Variants in C14orf39 observed in about 807,000 individuals in gnomAD.
C14orf39 encodes the protein protein SIX6OS1.
Under a neutral mutation model 85.6 loss-of-function variants are expected in C14orf39, and 66 were observed. The ratio of observed to expected loss-of-function variants is 0.77; its 90% CI spans 0.63 to 0.95. The LOEUF is 0.95. Ranked by LOEUF, C14orf39 falls within the 40% of genes least tolerant of loss-of-function variation. The pLI, the probability that C14orf39 is intolerant of heterozygous loss-of-function variation, is 0.00. For synonymous variants in C14orf39, 242 were observed against 214.0 expected (o/e 1.13, Z -1.14); for missense variants, 735 against 663.9 (o/e 1.11, Z -1.18).
In C14orf39 at chr14:60,442,073, C is replaced by T. The variant is rs1450145311; in HGVS notation, c.1561+1G>A. ...AAGGTAGCAAACTTCAAACAACTTA[C>T]CAATCTCTTGCTCTGATGACAGAGG... On this transcript the variant is annotated splice_donor_variant, in intron 17 of 17. Coordinates refer to ENST00000321731, the MANE Select transcript of C14orf39 (RefSeq NM_174978.3). LOFTEE classifies it high-confidence loss of function. The T allele has an allele frequency of 6.2e-7, 1 of 1,607,852 alleles. No individual in the cohort carries two copies. Among genetic ancestry groups the T allele is most frequent in the East Asian group, 2.2e-5 (1 of 44,654 alleles).
chr14:60,471,877 C>T (rs953773614), intron 5 of C14orf39, 138 bp from the exon 6 acceptor site: 27 of 549,148 alleles, frequency 4.9e-5, no homozygotes, highest in Non-Finnish European at 7.2e-5. Flanking sequence ...ATTGTCTGCC[C>T]TTTAGACTTT....
intron 5 of C14orf39, among the ~76,000 whole-genome samples, chr14:60,473,561 T>A (rs1418022431): frequency 6.6e-6 from 1 of 152,196 alleles, no homozygotes; most frequent in Non-Finnish European, 1.5e-5. Context: ...CTTTAATCCA[T>A]CTTGAATTAA....
chr14:60,509,284 C>T lies in C14orf39; in HGVS notation c.-144+6111G>A, dbSNP rs2140187526. On this transcript the variant is annotated intron_variant, in intron 1 of 5. Transcript: ENST00000556799. ...ACCGCCGCCACCCGGTAGTGTGTCC[C>T]GCTGCCCCAATCCGCCTCATCAACA... The T allele has an allele frequency of 3.3e-6, 3 of 916,406 alleles. No homozygotes were observed. In the East Asian group the frequency reaches 7.6e-5, roughly 23 times the overall value. 56.8% of individuals were successfully genotyped at this position (916,406 alleles called of 1,614,324 possible). A position where few individuals can be genotyped will look rare whatever the true frequency, so the allele number is the denominator to read the frequency against.
intron 1 of C14orf39, among the ~76,000 whole-genome samples, chr14:60,506,507 G>C (rs1051471457): frequency 7.2e-5 from 11 of 152,180 alleles, no homozygotes; most frequent in Non-Finnish European, 2.9e-5. Context: ...CTCTTTCCCA[G>C]GGGGCTCGGC....
In C14orf39 at chr14:60,492,563, C is replaced by T. The variant is rs35408753; in HGVS notation, c.-9+6733G>A. 1.8e-3 allele frequency among the ~76,000 whole-genome samples: 278 copies of T among 151,224 alleles called. 1 individual carries two copies. Among genetic ancestry groups the T allele is most frequent in the African/African-American group, 6.5e-3 (266 of 41,144 alleles). On this transcript the variant is annotated intron_variant, in intron 2 of 5. Coordinates refer to the C14orf39 transcript ENST00000556799. ...CCAACACAAGTGGATTGCTTGAGTT[C>T]GAGACCAGCCTGGGCAACATGGCGA...
intron 16 of C14orf39, among the ~76,000 whole-genome samples, chr14:60,443,638 T>C (rs1438622005): frequency 6.6e-6 from 1 of 152,178 alleles, no homozygotes; most frequent in African/African-American, 2.4e-5. Flanking sequence ...CAGACCTAAA[T>C]GTCCCTGTCT....
intron 4 of C14orf39, among the ~76,000 whole-genome samples, chr14:60,482,780 C>G (rs1892697047): frequency 6.6e-6 from 1 of 151,942 alleles, no homozygotes; most frequent in Non-Finnish European, 1.5e-5. Flanking sequence ...AAATTACATG[C>G]ACAGTACCAT....
upstream of C14orf39, among the ~76,000 whole-genome samples, chr14:60,487,321 T>C (rs1162506477): frequency 1.3e-5 from 2 of 152,170 alleles, no homozygotes; most frequent in Non-Finnish European, 2.9e-5. Flanking sequence ...CATTCTACTC[T>C]CTGCTTCTAT....
chr14:60,482,911 G>GTGTGTGTGT (rs1566681576), intron 4 of C14orf39, among the ~76,000 whole-genome samples: 4 of 58,832 alleles, frequency 6.8e-5, no homozygotes, highest in Admixed American at 4.5e-4. Flanking sequence ...TGTGTGTGTG[G>GTGTGTGTGT]TGTGCATAAT....
chr14:60,510,006 C>T, intron 1 of C14orf39: 1 of 1,553,234 alleles, frequency 6.4e-7, no homozygotes, highest in Non-Finnish European at 8.8e-7. Flanking sequence ...TTGAGCGCAC[C>T]GGGGAGGAGG....
At chr14:60,460,892 A>C (rs533593152) in intron 13 of C14orf39, among the ~76,000 whole-genome samples, 1 of 152,050 alleles carries the variant, frequency 6.6e-6, no homozygotes, top group African/African-American at 2.4e-5. Context: ...GAACTGAAAA[A>C]AAACCAAAAT....
At chr14:60,460,265 G>C (rs1891457472) in intron 13 of C14orf39, among the ~76,000 whole-genome samples, 1 of 151,760 alleles carries the variant, frequency 6.6e-6, no homozygotes, top group Admixed American at 6.6e-5. Context: ...CATGTTCCTA[G>C]AGATTAGCTA....
upstream of C14orf39, among the ~76,000 whole-genome samples, chr14:60,489,119 G>A (rs1892947216): frequency 6.6e-6 from 1 of 152,044 alleles, no homozygotes; most frequent in Admixed American, 6.5e-5. Context: ...TATTATCAGG[G>A]AGTTATCCAA....
rs552667453 is a variant in C14orf39 at position 60,440,140 on chromosome 14, G to A, written c.1561+1934C>T. Among the ~76,000 whole-genome samples, 3 of 152,242 alleles carry A rather than the reference G, an allele frequency of 2.0e-5. No individual in the cohort carries two copies. In the South Asian group the frequency reaches 6.2e-4, roughly 32 times the overall value. Reference sequence around the variant, plus strand: ...GGCAGACATTTAATAAATACAATTGGTAGATTCATTCTGATCTCATAGCAT... The same window carrying A: ...GGCAGACATTTAATAAATACAATTGATAGATTCATTCTGATCTCATAGCAT... On this transcript the variant is annotated intron_variant, in intron 17 of 17. Transcript: ENST00000321731.
At chr14:60,504,703 T>C (rs960485933) in intron 1 of C14orf39, among the ~76,000 whole-genome samples, 2 of 152,238 alleles carry the variant, frequency 1.3e-5, no homozygotes, top group Non-Finnish European at 2.9e-5. Context: ...ATGTGGTTAG[T>C]GCTGTAAACA....
At chr14:60,508,870 GA>G in intron 1 of C14orf39, 2 of 156,592 alleles carry the variant, frequency 1.3e-5, no homozygotes, top group Admixed American at 6.6e-5. Context: ...TATTTGGTGG[GA>G]AAAAGGGAGG....
At chr14:60,494,677 G>A (rs1398840979) in intron 2 of C14orf39, 1 of 152,230 alleles carries the variant, frequency 6.6e-6, no homozygotes, top group Non-Finnish European at 1.5e-5. Context: ...AGAGTGCCTG[G>A]AAGGCCATGG....
intron 4 of C14orf39, among the ~76,000 whole-genome samples, chr14:60,482,770 A>T (rs937739387): frequency 2.0e-5 from 3 of 152,166 alleles, no homozygotes; most frequent in African/African-American, 7.2e-5. Context: ...AATATATATA[A>T]AATTACATGC....
rs796282876 is a variant in C14orf39, at chr14:60,438,766, G to A, written c.1562-1719C>T. On this transcript the variant is annotated intron_variant, in intron 17 of 17. Transcript: ENST00000321731. ...TATGGAAGAGAATTCTATCTCGAAAGATAGAAAGAGATAGAAGTTGGGGAT... is the reference window on the plus strand; with the variant it reads ...TATGGAAGAGAATTCTATCTCGAAAAATAGAAAGAGATAGAAGTTGGGGAT... Among the ~76,000 whole-genome samples, 10 of 152,130 alleles carry A rather than the reference G, an allele frequency of 6.6e-5. 1 individual carries two copies. The highest frequency in any genetic ancestry group is 2.4e-4 in the African/African-American group (10 of 41,472).
Sources: allele counts gnomAD v4.1 joint callset (sites outside exome capture counted in the v4.1 genomes callset), GRCh38; gene constraint gnomAD v4.1.1; transcripts MANE v1.5; gene names NCBI Gene and HGNC (gene_info 2026-07-23, HGNC 2026-07-21).